UNC80: variants seen among roughly 807,000 people sequenced by gnomAD.
UNC80 encodes unc-80 subunit of NALCN channel complex, also known as protein unc-80 homolog.
In UNC80, 164 loss-of-function variants were observed where a neutral mutation model predicts 384.6. That is an observed-to-expected ratio of 0.43 (90% CI 0.38 to 0.49). The LOEUF (loss-of-function observed/expected upper bound fraction) is 0.49, where lower values mean the gene tolerates loss of function less well. UNC80 is among the 20% of genes least tolerant of loss of function. The probability of loss-of-function intolerance (pLI) is 0.00; values close to 1 mark genes in which losing one functional copy is unlikely to be tolerated. For synonymous variants in UNC80, 1,486 were observed against 1,527.8 expected, an observed-to-expected ratio of 0.97 and a Z score of 0.64; for missense variants, 3,330 against 4,143.0, an observed-to-expected ratio of 0.80 and a Z score of 5.39.
At chr2:209,782,785 T>A (rs1177010077) in intron 4 of UNC80, among the ~76,000 whole-genome samples, 4 of 152,160 alleles carry the variant, frequency 2.6e-5, no homozygotes, top group African/African-American at 7.2e-5. Context: ...AAATCCTGTT[T>A]AATATATTAT....
At chr2:209,916,032 A>G (rs913759113) in intron 31 of UNC80, among the ~76,000 whole-genome samples, 1 of 152,230 alleles carries the variant, frequency 6.6e-6, no homozygotes, top group Non-Finnish European at 1.5e-5. Context: ...ATAAATTTTT[A>G]ATTTTTTTCA....
At chr2:209,858,758 C>T (rs2083130861) in intron 22 of UNC80, among the ~76,000 whole-genome samples, 3 of 149,442 alleles carry the variant, frequency 2.0e-5, no homozygotes, top group African/African-American at 7.4e-5. Flanking sequence ...ATCATTTAAA[C>T]AATTTTTTTC....
At chr2:209,957,884 A>G in intron 49 of UNC80, 148 bp downstream of exon 49, 1 of 715,786 alleles carries the variant, frequency 1.4e-6, no homozygotes, top group African/African-American at 1.8e-5. Context: ...GTTTAGAGTT[A>G]CAAGAAAATA....
chr2:209,827,037 G>A (rs2080578406), intron 14 of UNC80, among the ~76,000 whole-genome samples: 2 of 151,900 alleles, frequency 1.3e-5, no homozygotes, highest in Admixed American at 1.3e-4. Context: ...ATATTATATT[G>A]TGTTGCGTTA....
intron 26 of UNC80, among the ~76,000 whole-genome samples, chr2:209,889,354 AT>A (rs890574760): frequency 2.6e-5 from 4 of 152,334 alleles, no homozygotes; most frequent in Admixed American, 1.3e-4. Context: ...AGACAGTGGT[AT>A]TTTAAAAATA....
intron 61 of UNC80, among the ~76,000 whole-genome samples, chr2:209,985,572 T>C (rs1322593833): frequency 6.6e-6 from 1 of 152,224 alleles, no homozygotes; most frequent in Non-Finnish European, 1.5e-5. Flanking sequence ...AGTCTTATGA[T>C]GCAAATAATG....
chr2:209,943,610 C>T, intron 45 of UNC80, 96 bp downstream of exon 45: 1 of 1,413,316 alleles, frequency 7.1e-7, no homozygotes, highest in Non-Finnish European at 9.6e-7. Context: ...GAGTTGGCTA[C>T]CATCACTTGT....
At chr2:209,952,214 A>G (rs1342370737) in intron 47 of UNC80, among the ~76,000 whole-genome samples, 1 of 152,098 alleles carries the variant, frequency 6.6e-6, no homozygotes, top group Admixed American at 6.5e-5. Context: ...ATTTGGTTTT[A>G]GCAGGACTGG....
intron 14 of UNC80, among the ~76,000 whole-genome samples, chr2:209,828,280 T>C (rs977334424): frequency 2.0e-5 from 3 of 152,186 alleles, no homozygotes; most frequent in Non-Finnish European, 4.4e-5. Context: ...CAAACTTCAT[T>C]TTATAGCTAG....
chr2:209,890,192 AAT>A (rs112168110), intron 26 of UNC80, among the ~76,000 whole-genome samples: 2,350 of 152,278 alleles, frequency 0.015, 72 homozygotes, highest in African/African-American at 0.053. Context: ...ACAGTTATCT[AAT>A]ATGTCTATGT....
At chr2:209,919,447 A>G (rs2089854526) in intron 33 of UNC80, among the ~76,000 whole-genome samples, 1 of 152,208 alleles carries the variant, frequency 6.6e-6, no homozygotes, top group Admixed American at 6.5e-5. Context: ...AAATATCCCC[A>G]GAAAAGTTAT....
intron 22 of UNC80, among the ~76,000 whole-genome samples, chr2:209,865,531 G>A (rs2083676425): frequency 6.6e-6 from 1 of 151,622 alleles, no homozygotes; most frequent in African/African-American, 2.4e-5. Flanking sequence ...GAACCCGGGA[G>A]GCGGAGCTTG....
intron 49 of UNC80, 102 bp from the exon 50 acceptor site, chr2:209,959,017 T>C (rs1249763586): frequency 2.1e-6 from 2 of 938,144 alleles, no homozygotes; most frequent in Non-Finnish European, 3.4e-6. Flanking sequence ...TATCAAAATG[T>C]ATAGCTTCAA....
intron 7 of UNC80, among the ~76,000 whole-genome samples, chr2:209,808,163 A>C (rs753084337): frequency 6.6e-6 from 1 of 152,192 alleles, no homozygotes; most frequent in African/African-American, 2.4e-5. Context: ...CTTTCAAACA[A>C]TACATTTTGT....
chr2:209,896,941 A>G (rs539657186), intron 28 of UNC80, among the ~76,000 whole-genome samples: 1 of 152,244 alleles, frequency 6.6e-6, no homozygotes, highest in African/African-American at 2.4e-5. Context: ...GCATGAAGAA[A>G]GAAGTAAGGA....
At position 209,995,633 on chromosome 2, in the gene UNC80, ATGAAAG is replaced by A; in HGVS notation, c.*42_*47del. 6.5e-7 allele frequency: 1 copy of A among 1,542,118 alleles called. No individual in the cohort carries two copies. The highest frequency in any genetic ancestry group is 1.7e-4 in the Middle Eastern group (1 of 5,920). ...TAAGCTCTGCAGGTATAGAGAAGAC[ATGAAAG>A]TGATCTCTCTACTACAAGTTCAATA... On this transcript the variant is annotated 3_prime_UTR_variant, in exon 65 of 65. Coordinates refer to ENST00000673920, the MANE Select transcript of UNC80 (RefSeq NM_001371986.1).
At chr2:209,841,520 T>C (rs1048997154) in intron 20 of UNC80, among the ~76,000 whole-genome samples, 1 of 151,906 alleles carries the variant, frequency 6.6e-6, no homozygotes, top group Admixed American at 6.6e-5. Flanking sequence ...GCCCAGCTAA[T>C]TTTATATTTT....
chr2:209,977,772 C>T (rs899380462), intron 58 of UNC80, among the ~76,000 whole-genome samples: 1 of 152,106 alleles, frequency 6.6e-6, no homozygotes, highest in Non-Finnish European at 1.5e-5. Context: ...TGCTTTCTTT[C>T]TTATAACTAT....
At chr2:209,863,997 T>C (rs1445682241) in intron 22 of UNC80, among the ~76,000 whole-genome samples, 1 of 152,032 alleles carries the variant, frequency 6.6e-6, no homozygotes, top group African/African-American at 2.4e-5. Flanking sequence ...TTGAGGCTGC[T>C]GACCCTTGGA....
Sources: gnomAD v4.1 joint callset for allele counts (sites outside exome capture counted in the v4.1 genomes callset) on GRCh38, gnomAD v4.1.1 for gene constraint, MANE v1.5 for transcripts, NCBI Gene and HGNC (gene_info 2026-07-23, HGNC 2026-07-21) for gene names.